Variants in HK1 observed in about 807,000 individuals in gnomAD.
HK1 encodes hexokinase 1, also known as hexokinase-1.
HK1 carries 28 observed loss-of-function variants against 91.6 expected under a neutral mutation model. The ratio of observed to expected loss-of-function variants is 0.31; its 90% CI spans 0.23 to 0.42. The LOEUF is 0.42. Among genes scored for constraint, HK1 ranks in the 10% least tolerant of loss-of-function variants. HK1 has a pLI of 1.00. For synonymous variants in HK1, 430 were observed against 468.1 expected (o/e 0.92, Z 1.05); for missense variants, 770 against 1,219.8 (o/e 0.63, Z 5.49).
At position 69,369,332 on chromosome 10, in the gene HK1, C is replaced by T. The variant is rs1849877975; in HGVS notation, c.687C>T (p.Ile229=). Residue 229 remains isoleucine, a synonymous_variant, in exon 6 of 18, where the codon ATC becomes ATT. Coordinates refer to ENST00000359426, the MANE Select transcript of HK1 (RefSeq NM_000188.3). The surrounding 1 kb of genome is among the most constrained non-coding windows in gnomAD (Gnocchi z 4.4). Reference sequence around the variant, plus strand: ...ACCAGCACTGTGAAGTCGGCCTGATCATCGGTAATGCATTCCCCTTTGCCC... The same window carrying T: ...ACCAGCACTGTGAAGTCGGCCTGATTATCGGTAATGCATTCCCCTTTGCCC... ...YDDQHCEVGL[I]IGTGTNACYM... is the part of the protein sequence containing the mutation. 1 of 1,613,906 alleles carries T rather than the reference C, an allele frequency of 6.2e-7. No homozygotes were observed. Among genetic ancestry groups the T allele is most frequent in the Admixed American group, 1.7e-5 (1 of 60,010 alleles).
chr10:69,396,838 T>C (rs1343180017), intron 16 of HK1, among the ~76,000 whole-genome samples: 2 of 151,988 alleles, frequency 1.3e-5, no homozygotes, highest in African/African-American at 4.8e-5. Context: ...TGCGTCACCA[T>C]GCACGCCCGG....
chr10:69,288,585 G>C lies in HK1; in HGVS notation c.-214-86G>C, dbSNP rs1322036835. On this transcript the variant is annotated intron_variant, in intron 2 of 21. Coordinates refer to the HK1 transcript ENST00000360289. Reference sequence around the variant, plus strand: ...CACTATGTCTTGGTTCTCAGTATTAGGGTGTTTAGCTTCCTAATTGGTGAG... The same window carrying C: ...CACTATGTCTTGGTTCTCAGTATTACGGTGTTTAGCTTCCTAATTGGTGAG... 1.8e-5 allele frequency: 14 copies of C among 762,126 alleles called. No individual in the cohort carries two copies. The East Asian group carries it at 3.0e-4, about 16-fold the overall frequency. 47.2% of individuals were successfully genotyped at this position (762,126 alleles called of 1,614,324 possible).
At chr10:69,352,268 C>T (rs765818989) in intron 2 of HK1, among the ~76,000 whole-genome samples, 9 of 152,120 alleles carry the variant, frequency 5.9e-5, no homozygotes, top group Admixed American at 1.3e-4. Context: ...TCTGGGATTA[C>T]AAGCATGAGC....
intron 1 of HK1, among the ~76,000 whole-genome samples, chr10:69,328,317 A>G (rs1327721904): frequency 1.3e-5 from 2 of 152,194 alleles, no homozygotes; most frequent in African/African-American, 4.8e-5. Context: ...GCCTGATTAC[A>G]GGCTCCAGAC....
intron 4 of HK1, among the ~76,000 whole-genome samples, chr10:69,296,572 G>A (rs12263326): frequency 0.068 from 10,335 of 152,224 alleles, 724 homozygotes; most frequent in African/African-American, 0.19. Context: ...TTTAAGAGCT[G>A]GGTGAGGGAG....
At chr10:69,275,250 G>A (rs1844378451) in intron 1 of HK1, among the ~76,000 whole-genome samples, 1 of 150,806 alleles carries the variant, frequency 6.6e-6, no homozygotes, top group Non-Finnish European at 1.5e-5. Flanking sequence ...GCCGGGCACG[G>A]TGGCTCACGC....
At chr10:69,308,431 G>T (rs1475696502) in intron 5 of HK1, among the ~76,000 whole-genome samples, 1 of 152,218 alleles carries the variant, frequency 6.6e-6, no homozygotes, top group Non-Finnish European at 1.5e-5. Context: ...ACAACTCTAA[G>T]AGGGTCCTTG....
At chr10:69,336,406 G>A (rs1847987426) in intron 1 of HK1, among the ~76,000 whole-genome samples, 1 of 151,724 alleles carries the variant, frequency 6.6e-6, no homozygotes, top group Non-Finnish European at 1.5e-5. Context: ...GGTCAGGCTG[G>A]TCTTGAACTC....
At chr10:69,392,446 T>C in intron 15 of HK1, 138 bp downstream of exon 15, 1 of 867,860 alleles carries the variant, frequency 1.2e-6, no homozygotes, top group Non-Finnish European at 1.9e-6. Context: ...CCTGGCTCAC[T>C]CCTGACCTTT....
At chr10:69,293,096 G>T (rs1444190689) in intron 3 of HK1, among the ~76,000 whole-genome samples, 2 of 152,198 alleles carry the variant, frequency 1.3e-5, no homozygotes, top group Non-Finnish European at 2.9e-5. Flanking sequence ...ATTTCTGGAG[G>T]TGTGACTTGA....
At chr10:69,310,481 T>C (rs1348505339) in intron 5 of HK1, among the ~76,000 whole-genome samples, 1 of 152,114 alleles carries the variant, frequency 6.6e-6, no homozygotes, top group Non-Finnish European at 1.5e-5. Flanking sequence ...ATCTAATTTT[T>C]GTTTATATGT....
At chr10:69,275,918 G>A (rs909790892) in intron 1 of HK1, among the ~76,000 whole-genome samples, 1 of 150,620 alleles carries the variant, frequency 6.6e-6, no homozygotes, top group Non-Finnish European at 1.5e-5. Context: ...GTGAAATCCT[G>A]TCTCTACTAA....
chr10:69,399,353 A>T (rs998604345), intron 17 of HK1, among the ~76,000 whole-genome samples: 5 of 152,138 alleles, frequency 3.3e-5, no homozygotes, highest in Admixed American at 6.5e-5. Flanking sequence ...GTACAAAAAA[A>T]TTTTGAAAAT....
At chr10:69,362,696 C>T (rs1024594873) in intron 3 of HK1, among the ~76,000 whole-genome samples, 4 of 152,166 alleles carry the variant, frequency 2.6e-5, no homozygotes, top group South Asian at 2.1e-4. Flanking sequence ...CTGCCCCTTC[C>T]TGAGGCAGCC....
At chr10:69,358,215 C>T (rs1376389622) in intron 2 of HK1, among the ~76,000 whole-genome samples, 1 of 152,082 alleles carries the variant, frequency 6.6e-6, no homozygotes, top group Non-Finnish European at 1.5e-5. Context: ...TGAAACATAT[C>T]TTAACTGATT....
intron 4 of HK1, among the ~76,000 whole-genome samples, 198 bp from the exon 5 acceptor site, chr10:69,368,337 GC>G (rs1849812042): frequency 6.6e-6 from 1 of 152,164 alleles, no homozygotes. Flanking sequence ...CCCTATCTTT[GC>G]CCCCAGAGAA....
At chr10:69,284,917 C>A (rs1044275688) in intron 2 of HK1, among the ~76,000 whole-genome samples, 1 of 151,910 alleles carries the variant, frequency 6.6e-6, no homozygotes, top group Non-Finnish European at 1.5e-5. Context: ...CCTGGGTTCA[C>A]GCCATTCTCC....
At chr10:69,336,241 G>T (rs1217924390) in intron 1 of HK1, among the ~76,000 whole-genome samples, 2 of 152,100 alleles carry the variant, frequency 1.3e-5, no homozygotes, top group African/African-American at 4.8e-5. Context: ...GCCCAGGCTG[G>T]AGTGCAATGG....
chr10:69,357,315 A>T (rs1380726088), intron 2 of HK1, among the ~76,000 whole-genome samples: 2 of 152,248 alleles, frequency 1.3e-5, no homozygotes, highest in Non-Finnish European at 2.9e-5. Context: ...AAATGAATAA[A>T]TAAAATGTGT....
Sources: gnomAD v4.1 joint callset for allele counts (sites outside exome capture counted in the v4.1 genomes callset) on GRCh38, gnomAD v4.1.1 for gene constraint, Gnocchi (gnomAD v3.1) non-coding constraint, MANE v1.5 for transcripts, NCBI Gene and HGNC (gene_info 2026-07-23, HGNC 2026-07-21) for gene names.